The following DLC1 variants were observed in gnomAD, a reference collection of about 807,000 sequenced individuals.
The protein encoded by DLC1 is DLC1 Rho GTPase activating protein, also known as rho GTPase-activating protein 7.
DLC1 carries 54 observed loss-of-function variants against 140.3 expected under a neutral mutation model. The observed-to-expected ratio is 0.38, with a 90% CI of 0.31 to 0.48. DLC1 has a LOEUF of 0.48. Ranked by LOEUF, DLC1 falls within the 20% of genes least tolerant of loss-of-function variation. The pLI is 0.96. For synonymous variants in DLC1, 986 were observed against 728.1 expected (o/e 1.35, Z -5.70); for missense variants, 2,536 against 1,907.0 (o/e 1.33, Z -6.14).
chr8:13,176,046 C>G (rs898628286), intron 5 of DLC1, among the ~76,000 whole-genome samples: 1 of 152,056 alleles, frequency 6.6e-6, no homozygotes, highest in African/African-American at 2.4e-5. Flanking sequence ...ATTTCACTGC[C>G]TAGGATCTTT....
intron 4 of DLC1, among the ~76,000 whole-genome samples, chr8:13,342,951 C>T (rs551643984): frequency 2.0e-5 from 3 of 152,064 alleles, no homozygotes; most frequent in Non-Finnish European, 4.4e-5. Flanking sequence ...AGTTGTTTGA[C>T]TTCAGACTGT....
chr8:13,126,252 CAAAAT>C (rs1466239860), intron 5 of DLC1, among the ~76,000 whole-genome samples: 1 of 149,392 alleles, frequency 6.7e-6, no homozygotes, highest in Non-Finnish European at 1.5e-5. Context: ...AAACTGAAAT[CAAAAT>C]AAACTAAGAA....
At chr8:13,314,876 A>C (rs953095784) in intron 4 of DLC1, among the ~76,000 whole-genome samples, 1 of 152,248 alleles carries the variant, frequency 6.6e-6, no homozygotes, top group East Asian at 1.9e-4. Context: ...CTTTTATTAC[A>C]GGGAGATATT....
At position 13,585,594 on chromosome 8, in the gene DLC1, C is replaced by T. The variant is rs527578395; in HGVS notation, c.-126+18943G>A. Among the ~76,000 whole-genome samples the T allele has an allele frequency of 2.1e-4, 32 of 152,192 alleles. 1 individual carries two copies. The highest frequency in any genetic ancestry group is 5.3e-4 in the African/African-American group (22 of 41,524). ...ACATACGTGTATTGTCTCTGAGTTCCGAAGGCTGGAAGTCCGAAATTGAGG... is the reference window on the plus strand; with the variant it reads ...ACATACGTGTATTGTCTCTGAGTTCTGAAGGCTGGAAGTCCGAAATTGAGG... On this transcript the variant is annotated intron_variant, in intron 1 of 1. Coordinates refer to the DLC1 transcript ENST00000631382.
intron 5 of DLC1, among the ~76,000 whole-genome samples, chr8:13,131,378 C>T (rs1187318009): frequency 6.6e-6 from 1 of 152,232 alleles, no homozygotes; most frequent in Non-Finnish European, 1.5e-5. Flanking sequence ...ACTCAGTATT[C>T]TGCCTTCTCC....
intron 5 of DLC1, among the ~76,000 whole-genome samples, chr8:13,168,431 A>G (rs1825242461): frequency 6.6e-6 from 1 of 152,126 alleles, no homozygotes; most frequent in Non-Finnish European, 1.5e-5. Flanking sequence ...AGTATTTTAA[A>G]TCTCTTTTAC....
intron 1 of DLC1, among the ~76,000 whole-genome samples, chr8:13,537,284 C>T (rs1194411679): frequency 6.6e-6 from 1 of 152,156 alleles, no homozygotes; most frequent in Non-Finnish European, 1.5e-5. Flanking sequence ...TCAGGTTCTG[C>T]CATTCAGGCC....
At chr8:13,563,417 A>T (rs2117386822) in intron 1 of DLC1, among the ~76,000 whole-genome samples, 1 of 152,320 alleles carries the variant, frequency 6.6e-6, no homozygotes, top group African/African-American at 2.4e-5. Context: ...TCCTAGAAAA[A>T]ATGATGTACA....
At chr8:13,401,681 T>A in intron 2 of DLC1, 62 bp from the exon 3 acceptor site, 6 of 1,557,572 alleles carry the variant, frequency 3.9e-6, no homozygotes, top group Non-Finnish European at 5.2e-6. Flanking sequence ...GAATAAAAAG[T>A]TCCCTGTTCT....
intron 3 of DLC1, among the ~76,000 whole-genome samples, chr8:13,395,170 G>A (rs1000374755): frequency 5.9e-5 from 9 of 151,278 alleles, no homozygotes; most frequent in Non-Finnish European, 1.2e-4. Flanking sequence ...GCCCCGGCTG[G>A]AGTGCAATGG....
intron 5 of DLC1, among the ~76,000 whole-genome samples, chr8:13,120,577 A>AT (rs1820978194): frequency 1.3e-5 from 2 of 151,720 alleles, no homozygotes; most frequent in Admixed American, 6.6e-5. Flanking sequence ...TACGAGGATG[A>AT]TTTTTTTAAA....
chr8:13,093,691 T>A (rs1009127117), intron 12 of DLC1, among the ~76,000 whole-genome samples: 1 of 152,082 alleles, frequency 6.6e-6, no homozygotes, highest in Non-Finnish European at 1.5e-5. Flanking sequence ...GTGAGGAAAA[T>A]GTGACCTGTG....
chr8:13,107,745 G>GT (rs1819686487), intron 7 of DLC1, among the ~76,000 whole-genome samples: 1 of 152,096 alleles, frequency 6.6e-6, no homozygotes, highest in Non-Finnish European at 1.5e-5. Context: ...CTCAGAACTT[G>GT]TACTACGTTT....
intron 1 of DLC1, among the ~76,000 whole-genome samples, chr8:13,524,917 A>G (rs987215778): frequency 6.6e-6 from 1 of 152,182 alleles, no homozygotes; most frequent in Admixed American, 6.5e-5. Flanking sequence ...CTGTGATATC[A>G]TTGCCACAAA....
At chr8:13,500,219 A>G in intron 1 of DLC1, 23 bp from the exon 2 acceptor site, 1 of 657,938 alleles carries the variant, frequency 1.5e-6, no homozygotes. Context: ...TCAAAAAAAT[A>G]TGTAGTCGCA....
chr8:13,270,104 A>G (rs191456600), intron 5 of DLC1, among the ~76,000 whole-genome samples: 2 of 152,288 alleles, frequency 1.3e-5, no homozygotes, highest in East Asian at 1.9e-4. Flanking sequence ...TTAACTGCCA[A>G]CTATACCTAA....
intron 1 of DLC1, among the ~76,000 whole-genome samples, chr8:13,527,369 T>C (rs1205187905): frequency 1.3e-5 from 2 of 152,228 alleles, no homozygotes; most frequent in South Asian, 2.1e-4. Flanking sequence ...TTTTGTCTTT[T>C]CTAGTTTATT....
intron 5 of DLC1, among the ~76,000 whole-genome samples, chr8:13,153,504 C>G (rs181459850): frequency 1.5e-4 from 23 of 152,336 alleles, no homozygotes; most frequent in Admixed American, 1.2e-3. Flanking sequence ...ACGACCCAAA[C>G]AGGTCGCCAC....
chr8:13,577,584 C>G (rs568369465), intron 1 of DLC1, among the ~76,000 whole-genome samples: 259 of 152,254 alleles, frequency 1.7e-3, no homozygotes, highest in Non-Finnish European at 2.7e-3. Context: ...CATCTCAGTA[C>G]ATGCTAAATT....
Sources: gnomAD v4.1 joint callset for allele counts (sites outside exome capture counted in the v4.1 genomes callset) on GRCh38, gnomAD v4.1.1 for gene constraint, MANE v1.5 for transcripts, NCBI Gene and HGNC (gene_info 2026-07-23, HGNC 2026-07-21) for gene names.